Variants in RBM47 observed in about 807,000 individuals in gnomAD.
RBM47 encodes RNA binding motif protein 47.
RBM47 carries 21 observed loss-of-function variants against 47.1 expected under a neutral mutation model. The observed-to-expected ratio is 0.45, with a 90% confidence interval of 0.32 to 0.64. RBM47 has a LOEUF of 0.64. Among genes scored for constraint, RBM47 ranks in the 30% least tolerant of loss-of-function variants. The pLI is 0.05. For synonymous variants in RBM47, 375 were observed against 361.7 expected, an observed-to-expected ratio of 1.04 and a Z score of -0.42; for missense variants, 708 against 870.9, an observed-to-expected ratio of 0.81 and a Z score of 2.35.
intron 2 of RBM47, among the ~76,000 whole-genome samples, chr4:40,494,718 A>T (rs1414647632): frequency 6.6e-6 from 1 of 152,212 alleles, no homozygotes; most frequent in Non-Finnish European, 1.5e-5. Context: ...AGCCAGGGAC[A>T]GGTACAGGTG....
chr4:40,480,617 C>T (rs1038137296), intron 2 of RBM47, among the ~76,000 whole-genome samples: 1 of 152,114 alleles, frequency 6.6e-6, no homozygotes, highest in African/African-American at 2.4e-5. Flanking sequence ...TTAAGAAAGC[C>T]ACAAAATCTA....
intron 1 of RBM47, among the ~76,000 whole-genome samples, chr4:40,553,129 C>A (rs898364630): frequency 8.8e-5 from 13 of 148,534 alleles, no homozygotes; most frequent in Non-Finnish European, 1.5e-4. Context: ...CACCACGCCC[C>A]ACCTCTGATT....
At chr4:40,443,446 A>G (rs1713984069) in intron 3 of RBM47, among the ~76,000 whole-genome samples, 1 of 152,148 alleles carries the variant, frequency 6.6e-6, no homozygotes, top group South Asian at 2.1e-4. Context: ...GGCTGGGCAC[A>G]GTGGCTTACA....
chr4:40,529,815 C>T (rs572940724), intron 2 of RBM47, among the ~76,000 whole-genome samples: 12 of 141,104 alleles, frequency 8.5e-5, no homozygotes, highest in South Asian at 2.2e-4. Flanking sequence ...GGCAACAAAG[C>T]GAGACTCCAT....
Position 40,438,417 on chromosome 4 carries a change from G to T in RBM47, c.477C>A (p.Pro159=). ...DNCRLFIGGI[P]KMKKREEILE... is the part of the protein sequence containing the mutation. ...GGATTTCCTCGCGCTTCTTCATCTT[G>T]GGGATCCCGCCGATGAAGAGGCGGC... The change falls in exon 4 of 7, where the codon CCC becomes CCA. Residue 159 remains proline (P), a synonymous_variant. Transcript: ENST00000295971. 6.2e-7 allele frequency: 1 copy of T among 1,613,412 alleles called. No homozygotes were observed. The highest frequency in any genetic ancestry group is 8.5e-7 in the Non-Finnish European group (1 of 1,179,984).
chr4:40,429,332 T>C (rs1264388248), intron 6 of RBM47, among the ~76,000 whole-genome samples: 1 of 151,998 alleles, frequency 6.6e-6, no homozygotes, highest in African/African-American at 2.4e-5. Flanking sequence ...TATGCTGAGG[T>C]TGCTAAGAAC....
intron 2 of RBM47, among the ~76,000 whole-genome samples, chr4:40,533,999 G>T (rs1023415534): frequency 1.3e-5 from 2 of 151,980 alleles, no homozygotes; most frequent in African/African-American, 2.4e-5. Context: ...ATTTTTAGTA[G>T]AGATGTGGTT....
At chr4:40,445,580 AGTGAACTCAGTTAACTGAATTACG>A (rs1311043674) in intron 3 of RBM47, among the ~76,000 whole-genome samples, 1 of 152,202 alleles carries the variant, frequency 6.6e-6, no homozygotes, top group African/African-American at 2.4e-5. Flanking sequence ...TTCTGAGTTA[AGTGAACTCAGTTAACTGAATTACG>A]CTTCAAATGC....
intron 3 of RBM47, among the ~76,000 whole-genome samples, chr4:40,461,454 A>G (rs1717129003): frequency 6.6e-6 from 1 of 152,204 alleles, no homozygotes; most frequent in African/African-American, 2.4e-5. Context: ...CCCATCCTAC[A>G]TCAGAAAATT....
At chr4:40,600,822 C>A (rs1285924277) in intron 1 of RBM47, among the ~76,000 whole-genome samples, 1 of 150,706 alleles carries the variant, frequency 6.6e-6, no homozygotes, top group Non-Finnish European at 1.5e-5. Context: ...CCCGTCTCTA[C>A]TGAAAATACA....
intron 1 of RBM47, among the ~76,000 whole-genome samples, chr4:40,614,532 G>C (rs1431464980): frequency 1.3e-5 from 2 of 152,020 alleles, no homozygotes; most frequent in African/African-American, 2.4e-5. Context: ...ACCTCCTTTG[G>C]GAAGCTTTAC....
intron 2 of RBM47, among the ~76,000 whole-genome samples, chr4:40,517,511 G>A (rs1023286542): frequency 6.6e-6 from 1 of 152,090 alleles, no homozygotes; most frequent in African/African-American, 2.4e-5. Flanking sequence ...TTACTGTTCA[G>A]AAATATACTT....
chr4:40,591,018 G>A (rs921485755), intron 1 of RBM47, among the ~76,000 whole-genome samples: 1 of 152,170 alleles, frequency 6.6e-6, no homozygotes, highest in Non-Finnish European at 1.5e-5. Context: ...GGCCAGGCTG[G>A]TCTCGAACTC....
intron 2 of RBM47, chr4:40,543,670 T>A (rs1365909915): frequency 6.6e-6 from 1 of 151,936 alleles, no homozygotes; most frequent in East Asian, 1.9e-4. Flanking sequence ...GGTGCGTGCC[T>A]GTAGTCAGTC....
chr4:40,442,413 A>G (rs1311787726), intron 3 of RBM47, among the ~76,000 whole-genome samples: 2 of 152,208 alleles, frequency 1.3e-5, no homozygotes, highest in East Asian at 3.8e-4. Flanking sequence ...ACCCTCATGC[A>G]GTGCTGGTAG....
At position 40,558,008 on chromosome 4, in the gene RBM47, T is replaced by G. The variant is rs545037473; in HGVS notation, c.-239-13502A>C. On this transcript the variant is annotated intron_variant, in intron 1 of 6. Transcript: ENST00000295971. The stretch of plus-strand genomic sequence containing the variant: ...AGATCTTGTCTTCCCAAGCAGATTA[T>G]AAGCACATCTCAGTGTAAATTACAT... Among the ~76,000 whole-genome samples, 2 of 152,328 alleles carry G rather than the reference T, an allele frequency of 1.3e-5. 1 individual carries two copies. Among genetic ancestry groups the G allele is most frequent in the South Asian group, 4.1e-4 (2 of 4,830 alleles).
At chr4:40,448,283 GTGAGTGTGTGTGTT>G (rs987256965) in intron 3 of RBM47, among the ~76,000 whole-genome samples, 3 of 150,830 alleles carry the variant, frequency 2.0e-5, no homozygotes, top group Non-Finnish European at 3.0e-5. Context: ...GTGTGTGAGT[GTGAGTGTGTGTGTT>G]TGAGTGTGTG....
At chr4:40,437,210 G>A (rs1480980794) in intron 4 of RBM47, among the ~76,000 whole-genome samples, 1 of 127,130 alleles carries the variant, frequency 7.9e-6, no homozygotes, top group Non-Finnish European at 1.6e-5. Context: ...TTTTTTTAAA[G>A]TTAGCTTTGG....
chr4:40,453,137 C>A (rs1199779409), intron 3 of RBM47, among the ~76,000 whole-genome samples: 2 of 152,110 alleles, frequency 1.3e-5, no homozygotes, highest in Non-Finnish European at 2.9e-5. Flanking sequence ...CTGTACCCGG[C>A]CCATTTCCTT....
Sources: allele counts gnomAD v4.1 joint callset (sites outside exome capture counted in the v4.1 genomes callset), GRCh38; gene constraint gnomAD v4.1.1; transcripts MANE v1.5; gene names NCBI Gene and HGNC (gene_info 2026-07-23, HGNC 2026-07-21).